ABLIM3: variants seen among roughly 807,000 people sequenced by gnomAD.
ABLIM3 encodes actin binding LIM protein family member 3.
A neutral mutation model predicts 109.5 loss-of-function variants in ABLIM3; 61 were observed. The ratio of observed to expected loss-of-function variants is 0.56; its 90% confidence interval spans 0.45 to 0.69. ABLIM3 has a LOEUF of 0.69. Among genes scored for constraint, ABLIM3 ranks in the 30% least tolerant of loss-of-function variants. ABLIM3 has a pLI of 0.00. For missense variants in ABLIM3, 796 were observed against 889.5 expected, an observed-to-expected ratio of 0.89 and a Z score of 1.34; for synonymous variants, 300 against 324.8, an observed-to-expected ratio of 0.92 and a Z score of 0.82.
intron 2 of ABLIM3, among the ~76,000 whole-genome samples, chr5:149,157,862 AC>A (rs1055627188): frequency 2.0e-5 from 3 of 152,114 alleles, no homozygotes; most frequent in Admixed American, 1.3e-4. Flanking sequence ...AGTTGCAAGA[AC>A]CAACAAACTC....
At chr5:149,160,165 C>T (rs1398189218) in intron 2 of ABLIM3, among the ~76,000 whole-genome samples, 1 of 152,058 alleles carries the variant, frequency 6.6e-6, no homozygotes, top group Non-Finnish European at 1.5e-5. Context: ...ATAGAAATTA[C>T]CCAGTAAGGC....
In ABLIM3 at chr5:149,181,709, G is replaced by A. The variant is rs1756469136; in HGVS notation, c.14-1743G>A. ...GAGGAGGACAGATGAGATCAGTTTT[G>A]GAGATCATAGATCTCTTTGAGAATA... is the stretch of plus-strand genomic sequence containing the variant. On this transcript the variant is annotated intron_variant, in intron 2 of 23. Transcript: ENST00000309868. Among the ~76,000 whole-genome samples the A allele has an allele frequency of 2.0e-5, 3 of 152,132 alleles. No homozygotes were observed. The South Asian group carries it at 6.2e-4, about 32-fold the overall frequency.
intron 9 of ABLIM3, among the ~76,000 whole-genome samples, chr5:149,231,555 A>G (rs2127546684): frequency 6.6e-6 from 1 of 152,324 alleles, no homozygotes; most frequent in South Asian, 2.1e-4. Flanking sequence ...CTAGTTAAAC[A>G]TGTCTTCCTT....
intron 2 of ABLIM3, among the ~76,000 whole-genome samples, chr5:149,154,174 C>T (rs1753678221): frequency 6.6e-6 from 1 of 152,216 alleles, no homozygotes; most frequent in Admixed American, 6.5e-5. Flanking sequence ...CAGCTTGCAG[C>T]AGCAGGGGCA....
chr5:149,185,439 G>A (rs1756868749), intron 3 of ABLIM3, among the ~76,000 whole-genome samples: 1 of 152,098 alleles, frequency 6.6e-6, no homozygotes, highest in South Asian at 2.1e-4. Context: ...TCCTGCTGTT[G>A]GCCAAAACAA....
At chr5:149,165,463 C>A (rs1402474603) in intron 2 of ABLIM3, among the ~76,000 whole-genome samples, 5 of 152,114 alleles carry the variant, frequency 3.3e-5, no homozygotes, top group Non-Finnish European at 1.5e-5. Context: ...ATAGTGCAAA[C>A]CTTTAATCTC....
At chr5:149,227,174 G>T (rs983219336) in intron 8 of ABLIM3, among the ~76,000 whole-genome samples, 1 of 151,966 alleles carries the variant, frequency 6.6e-6, no homozygotes, top group African/African-American at 2.4e-5. Context: ...TGTTACAGGT[G>T]TGGAGTGTGC....
At chr5:149,190,905 C>T (rs905249484) in intron 3 of ABLIM3, among the ~76,000 whole-genome samples, 4 of 152,106 alleles carry the variant, frequency 2.6e-5, no homozygotes, top group African/African-American at 9.6e-5. Context: ...CGAAAGATAA[C>T]AAAAATGCTA....
intron 8 of ABLIM3, among the ~76,000 whole-genome samples, chr5:149,228,508 T>A (rs1561611126): frequency 6.6e-6 from 1 of 152,202 alleles, no homozygotes; most frequent in Non-Finnish European, 1.5e-5. Flanking sequence ...GGGGATAAAG[T>A]CCACTGAAGA....
In ABLIM3 at chr5:149,153,270, A is replaced by G. The variant is rs1265000792; in HGVS notation, c.13+11162A>G. Among the ~76,000 whole-genome samples, 3 of 152,200 alleles carry G rather than the reference A, an allele frequency of 2.0e-5. No homozygotes were observed. The East Asian group carries it at 5.8e-4, about 29-fold the overall frequency. On this transcript the variant is annotated intron_variant, in intron 2 of 23. Transcript: ENST00000309868. ...TAGAACCTCTATCTACCCAGTCATAAGTCAGTGATTAGAAAGCAGTCTTCT... is the reference window on the plus strand; with the variant it reads ...TAGAACCTCTATCTACCCAGTCATAGGTCAGTGATTAGAAAGCAGTCTTCT...
chr5:149,246,625 A>C, intron 17 of ABLIM3, 79 bp downstream of exon 17: 1 of 1,470,324 alleles, frequency 6.8e-7, no homozygotes, highest in Non-Finnish European at 9.3e-7. Context: ...AGCAACAAAA[A>C]ACAGATTCAA....
Position 149,247,914 on chromosome 5 carries a change from A to G in ABLIM3, c.1684A>G (p.Met562Val). The G allele has an allele frequency of 6.2e-7, 1 of 1,614,070 alleles. No individual in the cohort carries two copies. The highest frequency in any genetic ancestry group is 8.5e-7 in the Non-Finnish European group (1 of 1,179,982). ...AGCCCTGCACACAGCTGGCTATGAG[A>G]TGTCCCTCAATGGCTGTAAGCATGG... ...REALHTAGYE[M>V]SLNGSPRSHY... Residue 562 changes from methionine to valine, a missense_variant, in exon 18 of 24, where the codon ATG (methionine) becomes GTG (valine). Coordinates refer to ENST00000309868, the MANE Select transcript of ABLIM3 (RefSeq NM_014945.5).
chr5:149,247,974 C>A (rs1281777894), intron 18 of ABLIM3, 45 bp downstream of exon 18: 3 of 1,587,308 alleles, frequency 1.9e-6, no homozygotes. Context: ...ACACCTTTCT[C>A]TGTGACTAGC....
At chr5:149,199,057 A>G (rs1361115223) in intron 4 of ABLIM3, 1 of 456,520 alleles carries the variant, frequency 2.2e-6, no homozygotes, top group Non-Finnish European at 4.4e-6. Flanking sequence ...ATCTCCAGGG[A>G]TGGAGAGCTC....
chr5:149,224,472 C>G (rs896168618), intron 8 of ABLIM3, among the ~76,000 whole-genome samples: 1 of 152,204 alleles, frequency 6.6e-6, no homozygotes, highest in Non-Finnish European at 1.5e-5. Flanking sequence ...CCGAGGTGCC[C>G]TTGTCCCTGG....
At chr5:149,210,909 C>A in intron 7 of ABLIM3, 90 bp downstream of exon 7, 1 of 1,225,914 alleles carries the variant, frequency 8.2e-7, no homozygotes, top group Non-Finnish European at 1.2e-6. Flanking sequence ...TCATCCCATA[C>A]CTTTTTTTCC....
In ABLIM3 at chr5:149,252,828, C is replaced by T; in HGVS notation, c.1929C>T (p.Thr643=). 6.2e-7 allele frequency: 1 copy of T among 1,612,906 alleles called. No individual in the cohort carries two copies. Among genetic ancestry groups the T allele is most frequent in the Non-Finnish European group, 8.5e-7 (1 of 1,179,112 alleles). ...RNRLPKDVDR[T]RLERHLSQEE... ...GACTGCCCAAGGATGTAGACAGGAC[C>T]CGTTTAGAGGTAAGTCTAAAAAACT... The change falls in exon 23 of 24, where the codon ACC becomes ACT. Residue 643 remains threonine (T), a synonymous_variant. Transcript: ENST00000309868.
intron 7 of ABLIM3, among the ~76,000 whole-genome samples, chr5:149,213,885 A>C (rs1227270070): frequency 6.6e-6 from 1 of 152,012 alleles, no homozygotes; most frequent in Non-Finnish European, 1.5e-5. Context: ...TTTACAGATG[A>C]GAAAAGTGAG....
intron 2 of ABLIM3, among the ~76,000 whole-genome samples, chr5:149,169,664 C>T (rs990874328): frequency 2.6e-5 from 4 of 152,146 alleles, no homozygotes; most frequent in African/African-American, 9.7e-5. Flanking sequence ...AGTCTGTTCA[C>T]AGAAGAAGGA....
Sources: allele counts gnomAD v4.1 joint callset (sites outside exome capture counted in the v4.1 genomes callset), GRCh38; gene constraint gnomAD v4.1.1; transcripts MANE v1.5; gene names NCBI Gene and HGNC (gene_info 2026-07-23, HGNC 2026-07-21).